Variants in ACYP2 observed in about 807,000 individuals in gnomAD.
The protein encoded by ACYP2 is acylphosphatase-2.
In ACYP2, 12 loss-of-function variants were observed where a neutral mutation model predicts 11.2. That is an observed-to-expected ratio of 1.08 (90% confidence interval 0.69 to 1.74). The LOEUF (loss-of-function observed/expected upper bound fraction) is 1.74, where lower values mean the gene tolerates loss of function less well. ACYP2 is among the 40% of genes most tolerant of loss of function. ACYP2 has a pLI of 0.00. For missense variants in ACYP2, 134 were observed against 101.9 expected (o/e 1.31, Z -1.35); for synonymous variants, 43 against 32.2 (o/e 1.33, Z -1.13).
chr2:54,270,626 AAAAAAT>A (rs1460083551), intron 6 of ACYP2, among the ~76,000 whole-genome samples: 3 of 151,352 alleles, frequency 2.0e-5, no homozygotes, highest in East Asian at 3.8e-4. Flanking sequence ...AAATAAAGAT[AAAAAAT>A]AAAAATGAAT....
chr2:54,264,458 C>G lies in ACYP2; in HGVS notation c.405-40230C>G, dbSNP rs145185273. On this transcript the variant is annotated intron_variant, in intron 6 of 6. Transcript: ENST00000607452. Reference sequence around the variant, plus strand: ...CCAACTCCCCACCCGACCCAGAAGCCCAGCTGGCTTCACCTCTCAGATCCT... The same window carrying G: ...CCAACTCCCCACCCGACCCAGAAGCGCAGCTGGCTTCACCTCTCAGATCCT... Among the ~76,000 whole-genome samples the G allele has an allele frequency of 7.2e-3, 1,092 of 152,246 alleles. 14 individuals are homozygous for G. Among genetic ancestry groups the G allele is most frequent in the African/African-American group, 0.025 (1,027 of 41,548 alleles).
chr2:54,030,709 T>C, intron 2 of ACYP2: 1 of 174,058 alleles, frequency 5.7e-6, no homozygotes, highest in Non-Finnish European at 1.3e-5. Context: ...AAGACGGCGG[T>C]TCCAGCTGAA....
At chr2:54,126,038 A>G (rs1436265543) in intron 4 of ACYP2, among the ~76,000 whole-genome samples, 1 of 151,936 alleles carries the variant, frequency 6.6e-6, no homozygotes, top group East Asian at 1.9e-4. Flanking sequence ...CGGAGATTGC[A>G]CCACTGCACT....
chr2:54,219,791 ATG>A (rs146554219), intron 6 of ACYP2, among the ~76,000 whole-genome samples: 563 of 127,996 alleles, frequency 4.4e-3, no homozygotes, highest in Non-Finnish European at 6.7e-3. Flanking sequence ...GCTAATTTTT[ATG>A]TGTGTGTGTG....
At chr2:54,132,747 T>A (rs1680983531) in intron 4 of ACYP2, among the ~76,000 whole-genome samples, 1 of 109,896 alleles carries the variant, frequency 9.1e-6, no homozygotes, top group Non-Finnish European at 1.8e-5. Context: ...TTGAATGATT[T>A]TTTTTTTTTT....
chr2:54,241,140 C>T (rs750734542), intron 6 of ACYP2, among the ~76,000 whole-genome samples: 1 of 152,208 alleles, frequency 6.6e-6, no homozygotes, highest in Non-Finnish European at 1.5e-5. Context: ...CCCACTCCCT[C>T]CCCAAATGCC....
chr2:54,264,995 T>C (rs985959197), intron 6 of ACYP2, among the ~76,000 whole-genome samples: 1 of 152,150 alleles, frequency 6.6e-6, no homozygotes, highest in African/African-American at 2.4e-5. Flanking sequence ...AACAAACTTA[T>C]GGGGAGAGAG....
intron 6 of ACYP2, chr2:54,267,252 A>G: frequency 6.5e-7 from 1 of 1,540,492 alleles, no homozygotes; most frequent in Non-Finnish European, 8.7e-7. Context: ...TAAAAACATT[A>G]TTATGTCTGA....
At chr2:54,100,923 G>A (rs1678859370) in intron 4 of ACYP2, among the ~76,000 whole-genome samples, 1 of 152,216 alleles carries the variant, frequency 6.6e-6, no homozygotes. Context: ...GTAGGTGCTA[G>A]GAGACTCTTG....
At chr2:54,245,733 A>G (rs1279480001) in intron 6 of ACYP2, among the ~76,000 whole-genome samples, 1 of 144,456 alleles carries the variant, frequency 6.9e-6, no homozygotes, top group East Asian at 2.0e-4. Flanking sequence ...TGCTGTTGCG[A>G]TGTTTGATTT....
chr2:53,971,496 A>C (rs972592844), intron 1 of ACYP2, among the ~76,000 whole-genome samples: 2 of 152,356 alleles, frequency 1.3e-5, no homozygotes, highest in East Asian at 3.9e-4. Flanking sequence ...TCTGGCCGCC[A>C]TCATTCCAAA....
chr2:54,131,145 C>G (rs1680875694), intron 4 of ACYP2, among the ~76,000 whole-genome samples: 1 of 152,158 alleles, frequency 6.6e-6, no homozygotes, highest in Non-Finnish European at 1.5e-5. Context: ...TTTGTTAAGT[C>G]AATAATCAAT....
At chr2:54,275,913 A>T (rs1688541592) in intron 6 of ACYP2, among the ~76,000 whole-genome samples, 1 of 152,158 alleles carries the variant, frequency 6.6e-6, no homozygotes, top group Non-Finnish European at 1.5e-5. Flanking sequence ...CGTATCCCTA[A>T]TTATATGTAT....
chr2:54,258,318 G>C (rs891682216), intron 6 of ACYP2, among the ~76,000 whole-genome samples: 6 of 152,156 alleles, frequency 3.9e-5, no homozygotes, highest in African/African-American at 7.2e-5. Flanking sequence ...AAGAAGTTGA[G>C]GGAGTCAGCT....
intron 2 of ACYP2, among the ~76,000 whole-genome samples, chr2:54,004,749 A>G (rs1672973305): frequency 6.6e-6 from 1 of 151,564 alleles, no homozygotes; most frequent in Admixed American, 6.6e-5. Flanking sequence ...TCATTTTCTT[A>G]TTATTGAGCT....
chr2:54,014,035 G>A (rs1458661588), intron 2 of ACYP2, among the ~76,000 whole-genome samples: 1 of 152,082 alleles, frequency 6.6e-6, no homozygotes, highest in Non-Finnish European at 1.5e-5. Flanking sequence ...GCAGGCACTT[G>A]TAATCCCAGA....
intron 6 of ACYP2, among the ~76,000 whole-genome samples, chr2:54,151,032 C>A (rs1427775847): frequency 6.6e-6 from 1 of 152,146 alleles, no homozygotes; most frequent in Non-Finnish European, 1.5e-5. Flanking sequence ...TGAGCCACCG[C>A]GCCCGGCAGA....
At chr2:54,143,111 A>G (rs1179311271) in intron 6 of ACYP2, 3 of 152,244 alleles carry the variant, frequency 2.0e-5, no homozygotes, top group Non-Finnish European at 4.4e-5. Flanking sequence ...TGCAATTAGT[A>G]AAAATGGTGT....
chr2:54,233,788 C>G (rs115289027), intron 6 of ACYP2, among the ~76,000 whole-genome samples: 251 of 152,228 alleles, frequency 1.6e-3, no homozygotes, highest in African/African-American at 5.8e-3. Context: ...TTAGCTCTCT[C>G]TCTTACATTA....
Sources: gnomAD v4.1 joint callset for allele counts (sites outside exome capture counted in the v4.1 genomes callset) on GRCh38, gnomAD v4.1.1 for gene constraint, MANE v1.5 for transcripts, NCBI Gene and HGNC (gene_info 2026-07-23, HGNC 2026-07-21) for gene names.